The following DAB1 variants were observed in gnomAD, a reference collection of about 807,000 sequenced individuals.
DAB1 encodes disabled homolog 1.
Under a neutral mutation model 64.6 loss-of-function variants are expected in DAB1, and 15 were observed. The observed-to-expected ratio is 0.23, with a 90% CI of 0.16 to 0.36. The LOEUF is 0.36. DAB1 is among the 10% of genes least tolerant of loss of function. DAB1 has a pLI of 1.00. For synonymous variants in DAB1, 235 were observed against 251.9 expected (o/e 0.93, Z 0.64); for missense variants, 596 against 706.7 (o/e 0.84, Z 1.78).
chr1:57,206,621 G>A (rs368981447), intron 2 of DAB1, among the ~76,000 whole-genome samples: 70 of 152,214 alleles, frequency 4.6e-4, no homozygotes, highest in African/African-American at 1.2e-3. Context: ...GCTCAAAAAC[G>A]GAGTTGAAGC....
At chr1:58,518,101 G>C (rs765356792) in intron 2 of DAB1, among the ~76,000 whole-genome samples, 1 of 150,554 alleles carries the variant, frequency 6.6e-6, no homozygotes, top group African/African-American at 2.5e-5. Flanking sequence ...CAGGAGAATC[G>C]CTTGAACACA....
At chr1:57,211,256 C>G (rs531955902) in intron 2 of DAB1, among the ~76,000 whole-genome samples, 1 of 152,264 alleles carries the variant, frequency 6.6e-6, no homozygotes, top group Non-Finnish European at 1.5e-5. Flanking sequence ...TTGGAGGAAA[C>G]AGCTGTAGCC....
chr1:57,798,103 T>C (rs905325174), intron 6 of DAB1, among the ~76,000 whole-genome samples: 10 of 152,092 alleles, frequency 6.6e-5, no homozygotes, highest in Non-Finnish European at 1.5e-4. Flanking sequence ...CAGGCCCAAG[T>C]CACTCAGCAA....
Position 57,340,661 on chromosome 1 carries a change from T to C in DAB1, c.-136-49495A>G, listed in dbSNP as rs554804590. Among the ~76,000 whole-genome samples, 35 of 110,014 alleles carry C rather than the reference T, an allele frequency of 3.2e-4. No homozygotes were observed. The South Asian group carries it at 3.8e-3, about 12-fold the overall frequency. The allele number at this position is 110,014 out of a possible 152,430, so 72.2% of individuals were successfully genotyped here. ...TCAGTGTCTAACAATAGGTAACATTTATTGAGTATCAGTCTTGTGCCTGGC... is the reference window on the plus strand; with the variant it reads ...TCAGTGTCTAACAATAGGTAACATTCATTGAGTATCAGTCTTGTGCCTGGC... On this transcript the variant is annotated intron_variant, in intron 1 of 14. Transcript: ENST00000371236.
chr1:57,625,983 G>T (rs1645917732), intron 7 of DAB1, among the ~76,000 whole-genome samples: 1 of 152,156 alleles, frequency 6.6e-6, no homozygotes, highest in Non-Finnish European at 1.5e-5. Flanking sequence ...TATGAAATGG[G>T]TGACAGTTAA....
At chr1:58,244,487 G>A (rs1332256786) in intron 4 of DAB1, among the ~76,000 whole-genome samples, 1 of 152,208 alleles carries the variant, frequency 6.6e-6, no homozygotes, top group African/African-American at 2.4e-5. Context: ...CATAGTAAAT[G>A]TCCCTCTCCC....
At chr1:58,334,803 T>C (rs12567514) in intron 4 of DAB1, among the ~76,000 whole-genome samples, 23,192 of 151,580 alleles carry the variant, frequency 0.15, 2,233 homozygotes, top group East Asian at 0.36. Context: ...CAGCACAGAG[T>C]AGTGTATTAG....
intron 6 of DAB1, among the ~76,000 whole-genome samples, chr1:57,764,864 AGACT>A (rs1216285974): frequency 1.2e-4 from 18 of 152,214 alleles, no homozygotes; most frequent in African/African-American, 3.9e-4. Flanking sequence ...AAAGAAAAGA[AGACT>A]GAGATAAATT....
intron 7 of DAB1, among the ~76,000 whole-genome samples, chr1:57,495,239 A>C (rs905217449): frequency 1.3e-5 from 2 of 152,156 alleles, no homozygotes; most frequent in African/African-American, 2.4e-5. Context: ...GTATAATATA[A>C]GGTGTACTAC....
intron 1 of DAB1, among the ~76,000 whole-genome samples, chr1:57,313,725 G>C (rs944490090): frequency 6.6e-6 from 1 of 152,182 alleles, no homozygotes; most frequent in Non-Finnish European, 1.5e-5. Flanking sequence ...ATGTAATTTA[G>C]CCATTTCCAT....
chr1:57,328,115 A>C (rs1182213749), intron 1 of DAB1, among the ~76,000 whole-genome samples: 1 of 152,114 alleles, frequency 6.6e-6, no homozygotes, highest in Admixed American at 6.5e-5. Context: ...GCAGGGTGAC[A>C]TTTCTCGCAG....
chr1:58,532,273 T>C (rs528556194), intron 1 of DAB1, among the ~76,000 whole-genome samples: 1 of 152,320 alleles, frequency 6.6e-6, no homozygotes, highest in East Asian at 1.9e-4. Flanking sequence ...GTTCTATTTT[T>C]AAGGCTGCTG....
intron 4 of DAB1, among the ~76,000 whole-genome samples, chr1:57,107,328 T>A (rs976422471): frequency 6.7e-6 from 1 of 149,986 alleles, no homozygotes; most frequent in Non-Finnish European, 1.5e-5. Flanking sequence ...TGAGCCGAGA[T>A]TGCACCATTG....
At chr1:57,884,850 A>G (rs1644199349), upstream of DAB1, among the ~76,000 whole-genome samples, 1 of 152,130 alleles carries the variant, frequency 6.6e-6, no homozygotes, top group Admixed American at 6.5e-5. Context: ...AGTTCCTATG[A>G]GAGCTGGTTG....
chr1:57,334,861 A>G (rs989837642), intron 1 of DAB1, among the ~76,000 whole-genome samples: 3 of 152,224 alleles, frequency 2.0e-5, no homozygotes, highest in Non-Finnish European at 4.4e-5. Flanking sequence ...ATAAAGCTTC[A>G]TGAACATCCT....
At chr1:57,459,314 T>C (rs1558400725) in intron 7 of DAB1, among the ~76,000 whole-genome samples, 1 of 152,206 alleles carries the variant, frequency 6.6e-6, no homozygotes. Context: ...CTATCATATA[T>C]GTATGCTACA....
At chr1:57,130,994 T>C (rs1016631203) in intron 4 of DAB1, among the ~76,000 whole-genome samples, 9 of 152,352 alleles carry the variant, frequency 5.9e-5, no homozygotes, top group African/African-American at 2.2e-4. Flanking sequence ...TTTTGCCATA[T>C]GTGTCTGCCC....
intron 1 of DAB1, among the ~76,000 whole-genome samples, chr1:57,864,262 T>C (rs1654194525): frequency 6.6e-6 from 1 of 152,144 alleles, no homozygotes; most frequent in African/African-American, 2.4e-5. Context: ...GGGGTAATGG[T>C]AGGAGTCTAA....
chr1:57,911,946 C>A (rs1028573502), intron 5 of DAB1, among the ~76,000 whole-genome samples: 4 of 152,214 alleles, frequency 2.6e-5, no homozygotes, highest in Admixed American at 2.0e-4. Context: ...TATAACTAAT[C>A]CCCTGTATTA....
Sources: gnomAD v4.1 joint callset for allele counts (sites outside exome capture counted in the v4.1 genomes callset) on GRCh38, gnomAD v4.1.1 for gene constraint, MANE v1.5 for transcripts, NCBI Gene and HGNC (gene_info 2026-07-23, HGNC 2026-07-21) for gene names.